Variants in TEX2 observed in about 807,000 individuals in gnomAD.
TEX2 encodes the protein testis-expressed protein 2.
In TEX2, 53 loss-of-function variants were observed where a neutral mutation model predicts 106.9. The ratio of observed to expected loss-of-function variants is 0.50; its 90% CI spans 0.40 to 0.62. The LOEUF (loss-of-function observed/expected upper bound fraction) is 0.62, where lower values mean the gene tolerates loss of function less well. TEX2 is among the 20% of genes least tolerant of loss of function. The pLI, the probability that TEX2 is intolerant of heterozygous loss-of-function variation, is 0.00. For missense variants in TEX2, 1,207 were observed against 1,379.0 expected (o/e 0.88, Z 1.98); for synonymous variants, 523 against 534.8 (o/e 0.98, Z 0.30).
chr17:64,162,598 T>C (rs2030937655), intron 7 of TEX2, among the ~76,000 whole-genome samples: 1 of 152,214 alleles, frequency 6.6e-6, no homozygotes, highest in Admixed American at 6.5e-5. Context: ...AATGAAGATA[T>C]ATGGATTTAG....
intron 1 of TEX2, among the ~76,000 whole-genome samples, chr17:64,227,095 G>A (rs1397516687): frequency 6.6e-6 from 1 of 151,968 alleles, no homozygotes; most frequent in Non-Finnish European, 1.5e-5. Context: ...GCGTGGCGGT[G>A]CGCGCCTGTA....
intron 4 of TEX2, among the ~76,000 whole-genome samples, chr17:64,188,698 C>T (rs917312369): frequency 2.6e-5 from 4 of 151,696 alleles, no homozygotes; most frequent in Non-Finnish European, 5.9e-5. Context: ...CGCCGGTAGT[C>T]TCAGCTACTC....
intron 1 of TEX2, among the ~76,000 whole-genome samples, chr17:64,238,365 T>A (rs1156634976): frequency 2.0e-5 from 3 of 152,236 alleles, no homozygotes; most frequent in African/African-American, 7.2e-5. Context: ...TTCAATTTTT[T>A]AAAATATATC....
At chr17:64,188,471 A>G in intron 4 of TEX2, 56 bp from the exon 5 acceptor site, 1 of 1,509,184 alleles carries the variant, frequency 6.6e-7, no homozygotes, top group Non-Finnish European at 8.9e-7. Context: ...CTGCAAAGTA[A>G]GCGGACTCCC....
intron 7 of TEX2, among the ~76,000 whole-genome samples, chr17:64,162,839 T>G (rs1331050126): frequency 2.0e-5 from 3 of 152,210 alleles, no homozygotes; most frequent in Admixed American, 6.5e-5. Context: ...GAGAGCTGTG[T>G]ACACCCTGGC....
At chr17:64,253,165 A>C (rs2034122686) in intron 1 of TEX2, among the ~76,000 whole-genome samples, 1 of 152,022 alleles carries the variant, frequency 6.6e-6, no homozygotes, top group African/African-American at 2.4e-5. Flanking sequence ...TTTATTTGAG[A>C]CAGGGTCTCT....
rs557119099 is a variant in TEX2, at chr17:64,168,633, A to G, written c.2671+2467T>C. ...TGTGGCCCTGCTCCCCTCTCCTCGG[A>G]AATTTCTACAAATTCAGCAAAGGGC... On this transcript the variant is annotated intron_variant, in intron 7 of 11. Coordinates refer to ENST00000584379, the MANE Select transcript of TEX2 (RefSeq NM_001288732.2). 3.9e-5 allele frequency among the ~76,000 whole-genome samples: 6 copies of G among 152,304 alleles called. No homozygotes were observed. In the South Asian group the frequency reaches 6.2e-4, roughly 16 times the overall value.
In TEX2 at chr17:64,213,920, C is replaced by T. The variant is rs782222105; in HGVS notation, c.298G>A (p.Val100Met). ...ASPVLADGLS[V>M]SQAPAILPVS... ...GGCAAAATGGCAGGGGCCTGGGACA[C>T]GGACAGTCCATCTGCCAGGACAGGC... The change falls in exon 2 of 12, where the codon GTG becomes ATG. Residue 100 changes from valine to methionine, a missense_variant. Coordinates refer to ENST00000584379, the MANE Select transcript of TEX2 (RefSeq NM_001288732.2). This position sits in a 1 kb window ranked among gnomAD's most constrained non-coding sequence, Gnocchi z 4.4. 1.3e-5 allele frequency: 21 copies of T among 1,614,092 alleles called. 1 individual carries two copies. The highest frequency in any genetic ancestry group is 5.5e-5 in the South Asian group (5 of 91,088).
intron 3 of TEX2, 63 bp downstream of exon 3, chr17:64,194,832 C>T: frequency 6.6e-7 from 1 of 1,512,192 alleles, no homozygotes; most frequent in Non-Finnish European, 9.2e-7. Flanking sequence ...TGCAGTTAAG[C>T]ATCCAAGATG....
In TEX2 at chr17:64,213,133, G is replaced by A. The variant is rs782596743; in HGVS notation, c.1085C>T (p.Ser362Phe). 1 of 1,614,176 alleles carries A rather than the reference G, an allele frequency of 6.2e-7. No individual in the cohort carries two copies. Among genetic ancestry groups the A allele is most frequent in the Admixed American group, 1.7e-5 (1 of 60,012 alleles). The change falls in exon 2 of 12, where the codon TCC becomes TTC. Residue 362 changes from serine (S) to phenylalanine (F), a missense_variant. Coordinates refer to ENST00000584379, the MANE Select transcript of TEX2 (RefSeq NM_001288732.2). This position sits in a 1 kb window ranked among gnomAD's most constrained non-coding sequence, Gnocchi z 4.4. ...TGGGTGGTCACTTCTGGGGATGTTGGAATCACTTCCGTAGCCATCCCCCTC... is the reference window on the plus strand; with the variant it reads ...TGGGTGGTCACTTCTGGGGATGTTGAAATCACTTCCGTAGCCATCCCCCTC... ...DSEGDGYGSD[S>F]NIPRSDHPKS...
intron 8 of TEX2, among the ~76,000 whole-genome samples, chr17:64,157,303 C>T (rs184695136): frequency 2.6e-5 from 4 of 152,290 alleles, no homozygotes; most frequent in Non-Finnish European, 4.4e-5. Flanking sequence ...CAAAGAGACA[C>T]CTTAAAAGGC....
intron 7 of TEX2, 99 bp from the exon 8 acceptor site, chr17:64,161,032 G>T: frequency 7.7e-7 from 1 of 1,303,892 alleles, no homozygotes; most frequent in Non-Finnish European, 1.1e-6. Flanking sequence ...GCACCATACT[G>T]AAAGTCCATG....
At chr17:64,177,289 T>C (rs532084081) in intron 6 of TEX2, 36 bp downstream of exon 6, 45 of 1,610,504 alleles carry the variant, frequency 2.8e-5, no homozygotes, top group Middle Eastern at 1.7e-4. Context: ...TGAAGAAGTA[T>C]AGAGGATTAG....
intron 6 of TEX2, 40 bp downstream of exon 6, chr17:64,177,285 A>G: frequency 6.2e-7 from 1 of 1,605,012 alleles, no homozygotes; most frequent in South Asian, 1.1e-5. Context: ...GAAATGAAGA[A>G]GTATAGAGGA....
chr17:64,162,529 T>A (rs185264701), intron 7 of TEX2, among the ~76,000 whole-genome samples: 1 of 152,218 alleles, frequency 6.6e-6, no homozygotes, highest in Non-Finnish European at 1.5e-5. Context: ...AATGGACATA[T>A]TAAAGGCACC....
intron 2 of TEX2, among the ~76,000 whole-genome samples, chr17:64,200,217 T>C (rs1177261126): frequency 6.6e-6 from 1 of 152,168 alleles, no homozygotes; most frequent in Non-Finnish European, 1.5e-5. Flanking sequence ...TTTTTAGACT[T>C]AGAAAACAAA....
At chr17:64,173,633 G>A (rs2031502417) in intron 6 of TEX2, among the ~76,000 whole-genome samples, 1 of 152,140 alleles carries the variant, frequency 6.6e-6, no homozygotes, top group Admixed American at 6.5e-5. Flanking sequence ...TATATTTGGA[G>A]AACCTTTTTC....
intron 1 of TEX2, among the ~76,000 whole-genome samples, chr17:64,218,078 A>G (rs1309251401): frequency 6.6e-6 from 1 of 152,106 alleles, no homozygotes; most frequent in Admixed American, 6.5e-5. Flanking sequence ...CAATGAATAC[A>G]TTGAAAAAAA....
chr17:64,249,212 CCT>C (rs1360903056), intron 1 of TEX2, among the ~76,000 whole-genome samples: 2 of 152,110 alleles, frequency 1.3e-5, no homozygotes, highest in South Asian at 2.1e-4. Flanking sequence ...CAAAAAAATT[CCT>C]TTTTTCCTTA....
Sources: allele counts gnomAD v4.1 joint callset (sites outside exome capture counted in the v4.1 genomes callset), GRCh38; gene constraint gnomAD v4.1.1; non-coding constraint Gnocchi (gnomAD v3.1); transcripts MANE v1.5; gene names NCBI Gene and HGNC (gene_info 2026-07-23, HGNC 2026-07-21).